Variants in HYOU1 observed in about 807,000 individuals in gnomAD.
HYOU1 encodes hypoxia up-regulated protein 1.
Under a neutral mutation model 120.5 loss-of-function variants are expected in HYOU1, and 40 were observed. The ratio of observed to expected loss-of-function variants is 0.33; its 90% CI spans 0.26 to 0.43. The LOEUF is 0.43. HYOU1 is among the 20% of genes least tolerant of loss of function. The pLI, the probability that HYOU1 is intolerant of heterozygous loss-of-function variation, is 1.00. For missense variants in HYOU1, 1,085 were observed against 1,278.3 expected, an observed-to-expected ratio of 0.85 and a Z score of 2.31; for synonymous variants, 501 against 479.4, an observed-to-expected ratio of 1.05 and a Z score of -0.59.
rs1944198645 is a variant in HYOU1 at position 119,048,204 on chromosome 11, G to T, written c.2376+44C>A. 6.2e-7 allele frequency: 1 copy of T among 1,606,360 alleles called. No individual in the cohort carries two copies. Among genetic ancestry groups the T allele is most frequent in the Non-Finnish European group, 8.5e-7 (1 of 1,176,878 alleles). On this transcript the variant is annotated intron_variant, in intron 20 of 25. Transcript: ENST00000617285. The surrounding 1 kb of genome is among the most constrained non-coding windows in gnomAD (Gnocchi z 4.7). ...TCTCTCTCTGACCCTGGGAGAGGAAGGAGAGCTCCCACTCCACCTGCCATG... is the reference window on the plus strand; with the variant it reads ...TCTCTCTCTGACCCTGGGAGAGGAATGAGAGCTCCCACTCCACCTGCCATG...
Position 119,052,326 on chromosome 11 carries a change from TG to T in HYOU1, c.1090del (p.Gln364SerfsTer9). Reference sequence around the variant, plus strand: ...CATTTCGGCACTCTGGAGGGCCTGCTGTACAGGCCCAGGCACCCGCTCAAAC... The same window carrying T: ...CATTTCGGCACTCTGGAGGGCCTGCTTACAGGCCCAGGCACCCGCTCAAAC... ...DLFERVPGPV[Q>X]QALQSAEMSL... On this transcript the variant is annotated frameshift_variant, in exon 10 of 26. Transcript: ENST00000617285. LOFTEE classifies it high-confidence loss of function. This position sits in a 1 kb window ranked among gnomAD's most constrained non-coding sequence, Gnocchi z 5.0. 1 of 1,614,218 alleles carries T rather than the reference TG, an allele frequency of 6.2e-7. No individual in the cohort carries two copies. Among genetic ancestry groups the T allele is most frequent in the Non-Finnish European group, 8.5e-7 (1 of 1,180,022 alleles).
Position 119,045,645 on chromosome 11 carries a change from T to C in HYOU1, c.2948A>G (p.Gln983Arg), listed in dbSNP as rs1944017063. Residue 983 changes from glutamine to arginine, a missense_variant, in exon 26 of 26, where the codon CAG (glutamine) becomes CGG (arginine). This residue lies in a region of HYOU1 where 516 missense variants were observed against 517.1 expected (regional missense o/e 1.00). Coordinates refer to ENST00000617285, the MANE Select transcript of HYOU1 (RefSeq NM_006389.5). ...ELGGPGAEPE[Q>R]KEQSTGQKRP... The stretch of plus-strand genomic sequence containing the variant: ...CTTCTGTCCTGTCGATTGTTCTTTC[T>C]GTTCAGGTTCTGTTGGGAGTTTGGG... The C allele has an allele frequency of 2.5e-6, 4 of 1,614,236 alleles. 1 individual carries two copies. The South Asian group carries it at 3.3e-5, about 13-fold the overall frequency.
In HYOU1 at chr11:119,046,632, A is replaced by T; in HGVS notation, c.2766T>A (p.Asn922Lys). The change falls in exon 23 of 26, where the codon AAT becomes AAA. Residue 922 changes from asparagine to lysine, a missense_variant. Asn to Lys is a moderately conservative substitution (Grantham distance 94, BLOSUM62 0). Transcript: ENST00000617285. ...TKPRPRPKDKNGTRAEPPLNA... is the reference protein window; with the variant it reads ...TKPRPRPKDKKGTRAEPPLNA... The stretch of plus-strand genomic sequence containing the variant: ...TGAGGGGTGGCTCTGCCCGGGTCCC[A>T]TTCTTGTCCTTAGGCCGGGGCCGGG... The T allele has an allele frequency of 1.2e-6, 2 of 1,614,124 alleles. No individual in the cohort carries two copies. The highest frequency in any genetic ancestry group is 1.7e-6 in the Non-Finnish European group (2 of 1,180,030).
At chr11:119,050,903 C>G in intron 14 of HYOU1, 132 bp downstream of exon 14, 1 of 1,022,960 alleles carries the variant, frequency 9.8e-7, no homozygotes, top group Non-Finnish European at 1.4e-6. Context: ...TAGCTCTGTT[C>G]AGAGCCAACA....
rs1480055843 is a variant in HYOU1, at chr11:119,044,389, A to C, written c.*1204T>G. 6.6e-6 allele frequency: 1 copy of C among 151,984 alleles called. No individual in the cohort carries two copies. Among genetic ancestry groups the C allele is most frequent in the African/African-American group, 2.4e-5 (1 of 41,342 alleles). 9.4% of individuals were successfully genotyped at this position (151,984 alleles called of 1,614,324 possible). On this transcript the variant is annotated 3_prime_UTR_variant, in exon 26 of 26. Coordinates refer to ENST00000617285, the MANE Select transcript of HYOU1 (RefSeq NM_006389.5). Reference sequence around the variant, plus strand: ...AAAAAAAAAAAAAAGGAAAAGACAAAATGACTGACACAGCCAGGTTCATTC... The same window carrying C: ...AAAAAAAAAAAAAAGGAAAAGACAACATGACTGACACAGCCAGGTTCATTC...
chr11:119,049,569 G>C lies in HYOU1; in HGVS notation c.1793C>G (p.Thr598Ser), dbSNP rs2133574071. The change falls in exon 16 of 26, where the codon ACT becomes AGT. Residue 598 changes from threonine (T) to serine (S), a missense_variant. Transcript: ENST00000617285. ...GTTPDAKENGTDTVQEEEESP... is the reference protein window; with the variant it reads ...GTTPDAKENGSDTVQEEEESP... Reference sequence around the variant, plus strand: ...TCCTGAACTCACCTGGACAGTATCAGTACCATTCTCCTTGGCATCTGGTGT... The same window carrying C: ...TCCTGAACTCACCTGGACAGTATCACTACCATTCTCCTTGGCATCTGGTGT... 21 of 1,614,002 alleles carry C rather than the reference G, an allele frequency of 1.3e-5. No homozygotes were observed. The East Asian group carries it at 4.2e-4, about 33-fold the overall frequency.
chr11:119,054,776 G>T, intron 6 of HYOU1, 101 bp from the exon 7 acceptor site: 3 of 1,288,424 alleles, frequency 2.3e-6, no homozygotes, highest in Non-Finnish European at 3.2e-6. Flanking sequence ...ATTCTGTGTT[G>T]TGGGGCTGTC....
Position 119,046,638 on chromosome 11 carries a change from G to A in HYOU1, c.2760C>T (p.Asp920=). 1 of 1,614,200 alleles carries A rather than the reference G, an allele frequency of 6.2e-7. No homozygotes were observed. The highest frequency in any genetic ancestry group is 1.1e-5 in the South Asian group (1 of 91,088). ...GTGGCTCTGCCCGGGTCCCATTCTTGTCCTTAGGCCGGGGCCGGGGCTTGG... is the reference window on the plus strand; with the variant it reads ...GTGGCTCTGCCCGGGTCCCATTCTTATCCTTAGGCCGGGGCCGGGGCTTGG... ...KFTKPRPRPK[D]KNGTRAEPPL... The change falls in exon 23 of 26, where the codon GAC becomes GAT. Residue 920 remains aspartate (D), a synonymous_variant. Coordinates refer to ENST00000617285, the MANE Select transcript of HYOU1 (RefSeq NM_006389.5).
rs2133576329 is a variant in HYOU1, at chr11:119,049,885, T to C, written c.1666-48A>G. ...AAAATACACAGGCTAATCCACCTTT[T>C]CTCCACAAACATCTGCCAAAGTGGG... On this transcript the variant is annotated intron_variant, in intron 14 of 25. Coordinates refer to ENST00000617285, the MANE Select transcript of HYOU1 (RefSeq NM_006389.5). 1.6e-5 allele frequency: 25 copies of C among 1,555,002 alleles called. No homozygotes were observed. The African/African-American group carries it at 3.3e-4, about 20-fold the overall frequency.
intron 21 of HYOU1, 51 bp from the exon 22 acceptor site, chr11:119,047,869 T>C: frequency 5.0e-6 from 8 of 1,611,478 alleles, no homozygotes; most frequent in South Asian, 1.1e-5. Context: ...GGGCCTGGAG[T>C]GTGGGGAGTG....
Position 119,048,516 on chromosome 11 carries a change from T to C in HYOU1, c.2213A>G (p.Lys738Arg), listed in dbSNP as rs2133565017. The change falls in exon 19 of 26, where the codon AAA becomes AGA. Residue 738 changes from lysine (K) to arginine (R), a missense_variant. Lys to Arg is a conservative substitution (Grantham distance 26). Transcript: ENST00000617285. This position sits in a 1 kb window ranked among gnomAD's most constrained non-coding sequence, Gnocchi z 4.7. The part of the protein sequence containing the change: ...LRDLEKQERE[K>R]AANSLEAFIF... Reference sequence around the variant, plus strand: ...GAATGCTTCCAAGCTGTTGGCAGCTTTTTCCCGTTCCTGCTTCTCCAGGTC... The same window carrying C: ...GAATGCTTCCAAGCTGTTGGCAGCTCTTTCCCGTTCCTGCTTCTCCAGGTC... 2 of 1,614,014 alleles carry C rather than the reference T, an allele frequency of 1.2e-6. No individual in the cohort carries two copies. The highest frequency in any genetic ancestry group is 2.7e-5 in the African/African-American group (2 of 74,974).
In HYOU1 at chr11:119,048,902, C is replaced by T. The variant is rs2133568320; in HGVS notation, c.1993-16G>A. 6.2e-7 allele frequency: 1 copy of T among 1,604,118 alleles called. No homozygotes were observed. Among genetic ancestry groups the T allele is most frequent in the South Asian group, 1.1e-5 (1 of 89,958 alleles). ...CACTTGGTTTCTGGGTGGGAAGAGT[C>T]AGGGGTGTCAGGAAAAGCCTCTGCC... On this transcript the variant is annotated splice_polypyrimidine_tract_variant and intron_variant, in intron 17 of 25. Transcript: ENST00000617285. The surrounding 1 kb of genome is among the most constrained non-coding windows in gnomAD (Gnocchi z 4.7).
chr11:119,047,505 T>C lies in HYOU1; in HGVS notation c.2595+229A>G, dbSNP rs1944156750. 6 of 496,220 alleles carry C rather than the reference T, an allele frequency of 1.2e-5. No homozygotes were observed. In the Admixed American group the frequency reaches 1.7e-4, roughly 14 times the overall value. The allele number at this position is 496,220 out of a possible 1,614,324, so 30.7% of individuals were successfully genotyped here. On this transcript the variant is annotated intron_variant, in intron 22 of 25. Coordinates refer to ENST00000617285, the MANE Select transcript of HYOU1 (RefSeq NM_006389.5). ...CAAATCCCAGCCCCTCAAAGCAGCT[T>C]TCTCTGTCCTCATGGGATGGGCTTT... is the stretch of plus-strand genomic sequence containing the variant.
intron 24 of HYOU1, 89 bp downstream of exon 24, chr11:119,046,328 G>A (rs1038331304): frequency 1.7e-6 from 2 of 1,192,132 alleles, no homozygotes; most frequent in East Asian, 4.7e-5. Context: ...AAGCTCATGG[G>A]CTGTCTAGAA....
chr11:119,051,112 T>C lies in HYOU1; in HGVS notation c.1588A>G (p.Lys530Glu). Residue 530 changes from lysine (K) to glutamate (E), a missense_variant, in exon 14 of 26, where the codon AAG becomes GAG. Physicochemically the swap from Lys to Glu is moderately conservative, Grantham distance 56. Around this residue, in one of 4 missense-constraint regions of HYOU1, gnomAD observed 515 missense variants for 677.8 expected, o/e 0.76. Transcript: ENST00000617285. This position sits in a 1 kb window ranked among gnomAD's most constrained non-coding sequence, Gnocchi z 4.2. ...KLKGVGDSFK[K>E]YPDYESKGIK... ...CCCTTGGACTCGTAGTCAGGATACT[T>C]CTTGAAGCTGTCACCCACCCCTTTT... is the stretch of plus-strand genomic sequence containing the variant. 3 of 1,614,190 alleles carry C rather than the reference T, an allele frequency of 1.9e-6. No individual in the cohort carries two copies. Among genetic ancestry groups the C allele is most frequent in the Non-Finnish European group, 2.5e-6 (3 of 1,180,030 alleles).
chr11:119,056,517 G>C, intron 1 of HYOU1: 1 of 387,982 alleles, frequency 2.6e-6, no homozygotes. Context: ...CACCTGGGGT[G>C]CGGCCAGGGA....
At chr11:119,054,259 G>T in intron 7 of HYOU1, 23 bp from the exon 8 acceptor site, 1 of 1,579,958 alleles carries the variant, frequency 6.3e-7, no homozygotes, top group Non-Finnish European at 8.7e-7. Context: ...CAAGGCAACT[G>T]TCACAGGAAC....
At chr11:119,054,920 T>C in intron 6 of HYOU1, 64 bp downstream of exon 6, 1 of 1,524,994 alleles carries the variant, frequency 6.6e-7, no homozygotes, top group Non-Finnish European at 9.0e-7. Context: ...CTTGCCCCTG[T>C]TGGAGAATCA....
intron 1 of HYOU1, 43 bp from the exon 2 acceptor site, chr11:119,056,210 G>A (rs930385453): frequency 3.8e-6 from 5 of 1,327,062 alleles, no homozygotes; most frequent in South Asian, 3.6e-5. Flanking sequence ...CTGGATACCC[G>A]GAGTGAAGGA....
Sources: gnomAD v4.1 joint callset for allele counts on GRCh38, gnomAD v4.1.1 for gene constraint, gnomAD v4.1.1 regional missense constraint, Gnocchi (gnomAD v3.1) non-coding constraint, MANE v1.5 for transcripts, NCBI Gene and HGNC (gene_info 2026-07-23, HGNC 2026-07-21) for gene names.